Variants in DR1 observed in about 807,000 individuals in gnomAD.
DR1 encodes the protein protein Dr1.
Under a neutral mutation model 19.9 loss-of-function variants are expected in DR1, and 7 were observed. The ratio of observed to expected loss-of-function variants is 0.35; its 90% CI spans 0.20 to 0.66. The LOEUF (loss-of-function observed/expected upper bound fraction) is 0.66, where lower values mean the gene tolerates loss of function less well. Among genes scored for constraint, DR1 ranks in the 30% least tolerant of loss-of-function variants. DR1 has a pLI of 0.66. For synonymous variants in DR1, 76 were observed against 72.5 expected (o/e 1.05, Z -0.24); for missense variants, 98 against 203.7 (o/e 0.48, Z 3.16).
Position 93,363,948 on chromosome 1 carries a change from G to A in DR1, c.*3309G>A, listed in dbSNP as rs1667089642. The A allele has an allele frequency of 6.6e-6, 1 of 152,182 alleles. No individual in the cohort carries two copies. 9.4% of individuals were successfully genotyped at this position (152,182 alleles called of 1,614,324 possible). ...ATTCTGAGCTATTATGAATAGTACT[G>A]TGTAGAACATTCTTATACATGTCTT... On this transcript the variant is annotated 3_prime_UTR_variant, in exon 3 of 3. Transcript: ENST00000370272.
At position 93,368,855 on chromosome 1, in the gene DR1, AG is replaced by A. The variant is rs1384827063; in HGVS notation, c.*8218del. ...CTTTATTATAAACATGTTGTAAGTG[AG>A]GAAACTAAGATTCCAAGAAATTAAG... On this transcript the variant is annotated 3_prime_UTR_variant, in exon 3 of 3. Transcript: ENST00000370272. 5.9e-5 allele frequency: 9 copies of A among 152,154 alleles called. No homozygotes were observed. Among genetic ancestry groups the A allele is most frequent in the African/African-American group, 1.9e-4 (8 of 41,446 alleles). The allele number at this position is 152,154 out of a possible 1,614,324, so 9.4% of individuals were successfully genotyped here.
At position 93,361,152 on chromosome 1, in the gene DR1, A is replaced by T. The variant is rs1005710987; in HGVS notation, c.*513A>T. On this transcript the variant is annotated 3_prime_UTR_variant, in exon 3 of 3. Transcript: ENST00000370272. Reference sequence around the variant, plus strand: ...AAATGAGTACATATATAGGCAATAAATATATATGCTCAGATCAATATACTT... The same window carrying T: ...AAATGAGTACATATATAGGCAATAATTATATATGCTCAGATCAATATACTT... 4 of 152,910 alleles carry T rather than the reference A, an allele frequency of 2.6e-5. No homozygotes were observed. Among genetic ancestry groups the T allele is most frequent in the African/African-American group, 9.7e-5 (4 of 41,450 alleles). The allele number at this position is 152,910 out of a possible 1,614,324, so 9.5% of individuals were successfully genotyped here. A position where few individuals can be genotyped will look rare whatever the true frequency, so the allele number is the denominator to read the frequency against.
chr1:93,357,899 A>G (rs912148690), intron 2 of DR1, among the ~76,000 whole-genome samples: 1 of 152,208 alleles, frequency 6.6e-6, no homozygotes, highest in Non-Finnish European at 1.5e-5. Flanking sequence ...ATAGATATAA[A>G]AAAAAATGAA....
Position 93,367,996 on chromosome 1 carries a change from C to A in DR1, c.*7357C>A, listed in dbSNP as rs1263487888. Reference sequence around the variant, plus strand: ...ACTGCACTCCAGCCTGACAACAGAGCAAGACTTCGTCTCAAAAAAACAAAC... The same window carrying A: ...ACTGCACTCCAGCCTGACAACAGAGAAAGACTTCGTCTCAAAAAAACAAAC... On this transcript the variant is annotated 3_prime_UTR_variant, in exon 3 of 3. Coordinates refer to ENST00000370272, the MANE Select transcript of DR1 (RefSeq NM_001938.3). 6.6e-6 allele frequency: 1 copy of A among 152,142 alleles called. No homozygotes were observed. Among genetic ancestry groups the A allele is most frequent in the Non-Finnish European group, 1.5e-5 (1 of 68,036 alleles). The allele number at this position is 152,142 out of a possible 1,614,324, so 9.4% of individuals were successfully genotyped here.
At position 93,362,800 on chromosome 1, in the gene DR1, T is replaced by C. The variant is rs1473597720; in HGVS notation, c.*2161T>C. On this transcript the variant is annotated 3_prime_UTR_variant, in exon 3 of 3. Transcript: ENST00000370272. The stretch of plus-strand genomic sequence containing the variant: ...ATCGAGGCATAACAAAGCTTACTTA[T>C]GCAATATTTTATTTTTAGGTTTTTT... The C allele has an allele frequency of 4.7e-5, 7 of 149,452 alleles. No homozygotes were observed. In the South Asian group the frequency reaches 1.1e-3, roughly 22 times the overall value. The allele number at this position is 149,452 out of a possible 1,614,324, so 9.3% of individuals were successfully genotyped here.
At chr1:93,354,715 G>A (rs1396672078) in intron 2 of DR1, among the ~76,000 whole-genome samples, 1 of 152,112 alleles carries the variant, frequency 6.6e-6, no homozygotes, top group Non-Finnish European at 1.5e-5. Context: ...TAGAAGAGAA[G>A]CCGTAGTAAC....
At chr1:93,352,511 A>G (rs1666926453) in intron 1 of DR1, among the ~76,000 whole-genome samples, 1 of 152,244 alleles carries the variant, frequency 6.6e-6, no homozygotes, top group Non-Finnish European at 1.5e-5. Flanking sequence ...GTTGATGAAA[A>G]CAGCTTAACA....
Position 93,346,374 on chromosome 1 carries a change from G to A in DR1, c.-272G>A, listed in dbSNP as rs1666838080. ...GGTTCCCCAGCCGCTCAAATTTCCG[G>A]ACCACCGCGCTTTCCCCTCCTCAGC... On this transcript the variant is annotated 5_prime_UTR_variant, in exon 1 of 3. Coordinates refer to ENST00000370272, the MANE Select transcript of DR1 (RefSeq NM_001938.3). The A allele has an allele frequency of 4.3e-6, 2 of 460,518 alleles. No individual in the cohort carries two copies. The highest frequency in any genetic ancestry group is 4.0e-6 in the Non-Finnish European group (1 of 251,400). 28.5% of individuals were successfully genotyped at this position (460,518 alleles called of 1,614,324 possible).
In DR1 at chr1:93,361,882, A is replaced by C. The variant is rs897291714; in HGVS notation, c.*1243A>C. 7 of 152,524 alleles carry C rather than the reference A, an allele frequency of 4.6e-5. No individual in the cohort carries two copies. The highest frequency in any genetic ancestry group is 1.4e-4 in the African/African-American group (6 of 41,452). The allele number at this position is 152,524 out of a possible 1,614,324, so 9.4% of individuals were successfully genotyped here. ...GAGAAGCTTTAATTTGGTTCTAATA[A>C]ATACAGTATGGTAGTGTTTATAGGA... is the stretch of plus-strand genomic sequence containing the variant. On this transcript the variant is annotated 3_prime_UTR_variant, in exon 3 of 3. Coordinates refer to ENST00000370272, the MANE Select transcript of DR1 (RefSeq NM_001938.3).
intron 2 of DR1, among the ~76,000 whole-genome samples, chr1:93,358,062 C>T: frequency 6.6e-6 from 1 of 151,996 alleles, no homozygotes; most frequent in Non-Finnish European, 1.5e-5. Flanking sequence ...TCACTTGAGC[C>T]CAGGAGTTTG....
At chr1:93,354,597 A>G (rs1404804091) in intron 2 of DR1, among the ~76,000 whole-genome samples, 3 of 152,144 alleles carry the variant, frequency 2.0e-5, no homozygotes, top group Non-Finnish European at 4.4e-5. Context: ...CCAAATACTA[A>G]TGTTCTCTGT....
chr1:93,346,105 GCA>G lies in DR1; in HGVS notation c.-540_-539del. On this transcript the variant is annotated 5_prime_UTR_variant, in exon 1 of 3. Transcript: ENST00000370272. ...CGTTCCAGCAGCGGCAGCGGCAGCG[GCA>G]GCGGCGGACATGTTGTGAGGCGGCG... 4.7e-6 allele frequency: 1 copy of G among 210,670 alleles called. No homozygotes were observed. Among genetic ancestry groups the G allele is most frequent in the Non-Finnish European group, 9.4e-6 (1 of 106,148 alleles). The allele number at this position is 210,670 out of a possible 1,614,324, so 13.1% of individuals were successfully genotyped here.
In DR1 at chr1:93,361,845, A is replaced by C. The variant is rs941426762; in HGVS notation, c.*1206A>C. 1 of 152,672 alleles carries C rather than the reference A, an allele frequency of 6.5e-6. No individual in the cohort carries two copies. The highest frequency in any genetic ancestry group is 1.9e-4 in the East Asian group (1 of 5,194). 9.5% of individuals were successfully genotyped at this position (152,672 alleles called of 1,614,324 possible). ...CGTATATGGAACATAAATAGTTTCTACCTGCTTGTTAGAGAAGCTTTAATT... is the reference window on the plus strand; with the variant it reads ...CGTATATGGAACATAAATAGTTTCTCCCTGCTTGTTAGAGAAGCTTTAATT... On this transcript the variant is annotated 3_prime_UTR_variant, in exon 3 of 3. Transcript: ENST00000370272.
At chr1:93,360,192 C>T (rs1277604943) in intron 2 of DR1, among the ~76,000 whole-genome samples, 2 of 151,938 alleles carry the variant, frequency 1.3e-5, no homozygotes, top group African/African-American at 4.8e-5. Context: ...ATTGGTTCCA[C>T]TTTTTCAACT....
At chr1:93,353,162 T>G (rs1335114308) in intron 1 of DR1, among the ~76,000 whole-genome samples, 2 of 152,178 alleles carry the variant, frequency 1.3e-5, no homozygotes, top group Non-Finnish European at 2.9e-5. Flanking sequence ...CCCAAAGTAC[T>G]GGAATTACAG....
chr1:93,347,439 G>C (rs969869701), intron 1 of DR1, among the ~76,000 whole-genome samples: 1 of 152,218 alleles, frequency 6.6e-6, no homozygotes, highest in Admixed American at 6.5e-5. Flanking sequence ...GTTCATGAAT[G>C]AGTTACCAAA....
rs1272525132 is a variant in DR1, at chr1:93,365,137, G to T, written c.*4498G>T. 3.9e-5 allele frequency: 6 copies of T among 152,280 alleles called. No homozygotes were observed. In the East Asian group the frequency reaches 1.2e-3, roughly 29 times the overall value. 9.4% of individuals were successfully genotyped at this position (152,280 alleles called of 1,614,324 possible). On this transcript the variant is annotated 3_prime_UTR_variant, in exon 3 of 3. Transcript: ENST00000370272. ...CTCCCAAAGTGCTGGGATTACAGGC[G>T]TGAGCCACTGCGCCCGGCCTATGTT...
intron 2 of DR1, among the ~76,000 whole-genome samples, chr1:93,357,019 G>A (rs1234508774): frequency 6.6e-6 from 1 of 152,124 alleles, no homozygotes; most frequent in Non-Finnish European, 1.5e-5. Context: ...ACCGCGCCCG[G>A]CCTTAAAATG....
At chr1:93,356,972 T>G (rs1666995024) in intron 2 of DR1, among the ~76,000 whole-genome samples, 1 of 152,188 alleles carries the variant, frequency 6.6e-6, no homozygotes, top group African/African-American at 2.4e-5. Flanking sequence ...TCCGCCCACC[T>G]TGGCCTCCCA....
Sources: allele counts gnomAD v4.1 joint callset (sites outside exome capture counted in the v4.1 genomes callset), GRCh38; gene constraint gnomAD v4.1.1; transcripts MANE v1.5; gene names NCBI Gene and HGNC (gene_info 2026-07-23, HGNC 2026-07-21).